ST3GAL6: variants seen among roughly 807,000 people sequenced by gnomAD.
ST3GAL6 encodes ST3 beta-galactoside alpha-2,3-sialyltransferase 6, also known as type 2 lactosamine alpha-2,3-sialyltransferase.
In ST3GAL6, 31 loss-of-function variants were observed where a neutral mutation model predicts 40.5. That is an observed-to-expected ratio of 0.77 (90% confidence interval 0.58 to 1.03). ST3GAL6 has a LOEUF of 1.03. Among genes scored for constraint, ST3GAL6 ranks in the 50% least tolerant of loss-of-function variants. The probability of loss-of-function intolerance (pLI) is 0.00; values close to 1 mark genes in which losing one functional copy is unlikely to be tolerated. For synonymous variants in ST3GAL6, 129 were observed against 136.9 expected (o/e 0.94, Z 0.40); for missense variants, 357 against 393.2 (o/e 0.91, Z 0.78).
intron 8 of ST3GAL6, among the ~76,000 whole-genome samples, chr3:98,790,034 G>T (rs981728312): frequency 2.6e-5 from 4 of 152,114 alleles, no homozygotes; most frequent in Non-Finnish European, 4.4e-5. Context: ...ATATTAACAA[G>T]AAAGAAGGAA....
intron 6 of ST3GAL6, among the ~76,000 whole-genome samples, chr3:98,785,858 G>T (rs1940650279): frequency 6.6e-6 from 1 of 152,140 alleles, no homozygotes; most frequent in Non-Finnish European, 1.5e-5. Context: ...CTTGGGACAG[G>T]ATTGTTGTAG....
chr3:98,758,428 T>C (rs142833836), upstream of ST3GAL6, among the ~76,000 whole-genome samples: 5 of 152,348 alleles, frequency 3.3e-5, no homozygotes, highest in East Asian at 9.6e-4. Context: ...TTTGAAATGT[T>C]GTTTACAAAT....
chr3:98,767,596 A>G (rs1407149251), intron 1 of ST3GAL6, among the ~76,000 whole-genome samples: 1 of 152,260 alleles, frequency 6.6e-6, no homozygotes, highest in Non-Finnish European at 1.5e-5. Flanking sequence ...TAGGTCTATT[A>G]TGGAACCATA....
At chr3:98,783,906 A>C (rs989593620) in intron 5 of ST3GAL6, among the ~76,000 whole-genome samples, 10 of 152,254 alleles carry the variant, frequency 6.6e-5, no homozygotes, top group African/African-American at 1.9e-4. Flanking sequence ...TAATGAATAT[A>C]GGAGTGTGTA....
chr3:98,771,325 G>T, intron 3 of ST3GAL6: 5 of 347,796 alleles, frequency 1.4e-5, no homozygotes, highest in Non-Finnish European at 1.5e-5. Flanking sequence ...CTTGCCTCTA[G>T]GTTAAACTTT....
At chr3:98,743,368 T>C (rs1358630324) in intron 1 of ST3GAL6, among the ~76,000 whole-genome samples, 1 of 152,050 alleles carries the variant, frequency 6.6e-6, no homozygotes, top group South Asian at 2.1e-4. Context: ...TTTCCAGTTA[T>C]AAAGCAGCCT....
chr3:98,741,683 T>C (rs1218003438), intron 1 of ST3GAL6, among the ~76,000 whole-genome samples: 1 of 152,106 alleles, frequency 6.6e-6, no homozygotes, highest in African/African-American at 2.4e-5. Context: ...CTTAGGGAGG[T>C]AGGTCTATAT....
intron 5 of ST3GAL6, among the ~76,000 whole-genome samples, chr3:98,776,089 T>A (rs1220071917): frequency 1.3e-5 from 2 of 152,238 alleles, no homozygotes; most frequent in Admixed American, 1.3e-4. Context: ...CAAAAATAGA[T>A]AAGAATATAT....
intron 5 of ST3GAL6, among the ~76,000 whole-genome samples, chr3:98,775,975 T>C (rs1006886177): frequency 2.0e-5 from 3 of 152,132 alleles, no homozygotes; most frequent in African/African-American, 7.2e-5. Context: ...CCCTGTAGGA[T>C]CCCCACAGAG....
rs976821308 is a variant in ST3GAL6, at chr3:98,783,555, A to G, written c.336-1390A>G. On this transcript the variant is annotated intron_variant, in intron 5 of 9. Transcript: ENST00000483910. ...CTGACATTGATTTCATTTTTGCTCCATCTATAGACTCCCAGAAAAAAGAAA... is the reference window on the plus strand; with the variant it reads ...CTGACATTGATTTCATTTTTGCTCCGTCTATAGACTCCCAGAAAAAAGAAA... 5.7e-5 allele frequency: 56 copies of G among 982,746 alleles called. No homozygotes were observed. In the African/African-American group the frequency reaches 9.4e-4, roughly 17 times the overall value. 60.9% of individuals were successfully genotyped at this position (982,746 alleles called of 1,614,324 possible).
At position 98,771,301 on chromosome 3, in the gene ST3GAL6, G is replaced by A. The variant is rs958087360; in HGVS notation, c.167+345G>A. 13 of 478,012 alleles carry A rather than the reference G, an allele frequency of 2.7e-5. 1 individual carries two copies. The highest frequency in any genetic ancestry group is 1.9e-4 in the African/African-American group (9 of 47,924). The allele number at this position is 478,012 out of a possible 1,614,324, so 29.6% of individuals were successfully genotyped here. A position where few individuals can be genotyped will look rare whatever the true frequency, so the allele number is the denominator to read the frequency against. ...TGTTATTTTCCACCCTTATTAATTTGTGGCTTCTCCTTCCTTGCCTCTAGG... is the reference window on the plus strand; with the variant it reads ...TGTTATTTTCCACCCTTATTAATTTATGGCTTCTCCTTCCTTGCCTCTAGG... On this transcript the variant is annotated intron_variant, in intron 3 of 9. Transcript: ENST00000483910.
In ST3GAL6 at chr3:98,749,687, A is replaced by G. The variant is rs185452839; in HGVS notation, c.-12+17155A>G. Among the ~76,000 whole-genome samples, 117 of 152,262 alleles carry G rather than the reference A, an allele frequency of 7.7e-4. 1 individual carries two copies. The highest frequency in any genetic ancestry group is 2.6e-3 in the African/African-American group (110 of 41,548). On this transcript the variant is annotated intron_variant, in intron 1 of 9. Coordinates refer to the ST3GAL6 transcript ENST00000265261. ...AAACAGTAAACTCTTTGGAAGGGGG[A>G]CTTTTAGAATCAGGAAAGACAGAAA...
intron 1 of ST3GAL6, among the ~76,000 whole-genome samples, chr3:98,764,145 G>A (rs1005032845): frequency 1.3e-5 from 2 of 152,124 alleles, no homozygotes; most frequent in Non-Finnish European, 2.9e-5. Context: ...GATACCCACC[G>A]GGTTTTTCTA....
chr3:98,763,212 T>C, upstream of ST3GAL6: 1 of 1,211,552 alleles, frequency 8.3e-7, no homozygotes, highest in Non-Finnish European at 1.1e-6. Flanking sequence ...GGAGGTTCTG[T>C]TGTAGATTTG....
intron 5 of ST3GAL6, chr3:98,782,121 C>G: frequency 1.5e-6 from 1 of 650,734 alleles, no homozygotes; most frequent in African/African-American, 1.8e-5. Flanking sequence ...AGCAGAGAGC[C>G]TTTGATAAAG....
intron 5 of ST3GAL6, among the ~76,000 whole-genome samples, chr3:98,780,369 G>GAA (rs2107272506): frequency 6.6e-6 from 1 of 152,282 alleles, no homozygotes; most frequent in South Asian, 2.1e-4. Context: ...TTACCAGGAG[G>GAA]AAAAGTGGAC....
chr3:98,732,671 G>A, intron 1 of ST3GAL6: 1 of 542,386 alleles, frequency 1.8e-6, no homozygotes, highest in East Asian at 3.5e-5. Context: ...GGAGCAGGAG[G>A]AGCTTCCCGC....
At chr3:98,771,144 G>C (rs1938943763) in intron 3 of ST3GAL6, 188 bp downstream of exon 3, 1 of 1,502,306 alleles carries the variant, frequency 6.7e-7, no homozygotes, top group African/African-American at 1.4e-5. Flanking sequence ...TATATTTTAA[G>C]AAAAGGCATT....
chr3:98,753,206 A>G (rs1475116640), intron 1 of ST3GAL6, among the ~76,000 whole-genome samples: 1 of 152,202 alleles, frequency 6.6e-6, no homozygotes, highest in Non-Finnish European at 1.5e-5. Context: ...TTGCTGATAT[A>G]TAGAGAGTAT....
Sources: allele counts gnomAD v4.1 joint callset (sites outside exome capture counted in the v4.1 genomes callset), GRCh38; gene constraint gnomAD v4.1.1; transcripts MANE v1.5; gene names NCBI Gene and HGNC (gene_info 2026-07-23, HGNC 2026-07-21).